Variants in CWH43 observed in about 807,000 individuals in gnomAD.
CWH43 encodes the protein PGAP2-interacting protein.
CWH43 carries 91 observed loss-of-function variants against 85.7 expected under a neutral mutation model. The observed-to-expected ratio is 1.06, with a 90% CI of 0.90 to 1.26. The LOEUF is 1.26. CWH43 is among the 50% of genes most tolerant of loss of function. The pLI, the probability that CWH43 is intolerant of heterozygous loss-of-function variation, is 0.00. For missense variants in CWH43, 869 were observed against 839.2 expected, an observed-to-expected ratio of 1.04 and a Z score of -0.44; for synonymous variants, 323 against 293.6, an observed-to-expected ratio of 1.10 and a Z score of -1.02.
chr4:49,060,424 G>T (rs902955140), intron 15 of CWH43, among the ~76,000 whole-genome samples: 2 of 152,058 alleles, frequency 1.3e-5, no homozygotes, highest in Admixed American at 1.3e-4. Flanking sequence ...GCCGGCTTAG[G>T]GACTGGGGTT....
intron 8 of CWH43, among the ~76,000 whole-genome samples, chr4:49,015,492 T>C (rs1354550137): frequency 1.3e-5 from 2 of 152,196 alleles, no homozygotes; most frequent in Non-Finnish European, 2.9e-5. Context: ...GTTTTGGTGT[T>C]CCGTAGTTTC....
At chr4:49,008,923 T>C (rs910093019) in intron 8 of CWH43, among the ~76,000 whole-genome samples, 3 of 152,216 alleles carry the variant, frequency 2.0e-5, no homozygotes, top group Non-Finnish European at 4.4e-5. Context: ...CCTCCAGCTT[T>C]GTTCTTTTTG....
chr4:48,988,776 G>C lies in CWH43; in HGVS notation c.235+108G>C, dbSNP rs7668171. The stretch of plus-strand genomic sequence containing the variant: ...AAATATTTGAATTTAAAAAATCAAA[G>C]ATTTCTCTTTTCCTTACCACTGCCT... On this transcript the variant is annotated intron_variant, in intron 2 of 15. Coordinates refer to ENST00000226432, the MANE Select transcript of CWH43 (RefSeq NM_025087.3). The C allele has an allele frequency of 6.1e-4, 437 of 711,138 alleles. 1 individual carries two copies. Among genetic ancestry groups the C allele is most frequent in the Non-Finnish European group, 7.6e-4 (357 of 467,068 alleles). 44.1% of individuals were successfully genotyped at this position (711,138 alleles called of 1,614,324 possible).
chr4:49,053,806 G>C (rs1784871556), intron 15 of CWH43, among the ~76,000 whole-genome samples: 1 of 152,134 alleles, frequency 6.6e-6, no homozygotes, highest in African/African-American at 2.4e-5. Flanking sequence ...GGGCATTTCA[G>C]ATTTTGTACT....
At chr4:48,990,832 G>T (rs1290581243) in intron 2 of CWH43, among the ~76,000 whole-genome samples, 1 of 152,112 alleles carries the variant, frequency 6.6e-6, no homozygotes, top group Non-Finnish European at 1.5e-5. Context: ...GTACACAAAT[G>T]TTCATAGCAG....
chr4:49,001,812 G>C (rs560636984), intron 6 of CWH43, among the ~76,000 whole-genome samples: 1 of 152,142 alleles, frequency 6.6e-6, no homozygotes, highest in Non-Finnish European at 1.5e-5. Flanking sequence ...TTATTCTAAC[G>C]TCTTTAGATT....
At chr4:49,055,722 T>G (rs1392382828) in intron 15 of CWH43, among the ~76,000 whole-genome samples, 1 of 152,004 alleles carries the variant, frequency 6.6e-6, no homozygotes, top group Non-Finnish European at 1.5e-5. Context: ...CCTGAGTAGC[T>G]GCGATTATAG....
At chr4:49,019,256 A>C (rs1409076454) in intron 9 of CWH43, among the ~76,000 whole-genome samples, 1 of 152,190 alleles carries the variant, frequency 6.6e-6, no homozygotes, top group Non-Finnish European at 1.5e-5. Flanking sequence ...TGTAGAATGG[A>C]GGGTAACTGG....
At chr4:49,046,802 T>G (rs1784639787) in intron 14 of CWH43, among the ~76,000 whole-genome samples, 1 of 152,132 alleles carries the variant, frequency 6.6e-6, no homozygotes, top group African/African-American at 2.4e-5. Flanking sequence ...GTAGATGATG[T>G]ACACAGTGAG....
At chr4:49,014,236 T>C (rs755776846) in intron 8 of CWH43, among the ~76,000 whole-genome samples, 7 of 152,218 alleles carry the variant, frequency 4.6e-5, no homozygotes, top group Non-Finnish European at 1.0e-4. Context: ...GAGGATTGCT[T>C]GGGGCCAGGA....
At chr4:49,005,369 C>G (rs1783122402) in intron 7 of CWH43, among the ~76,000 whole-genome samples, 1 of 152,080 alleles carries the variant, frequency 6.6e-6, no homozygotes, top group African/African-American at 2.4e-5. Flanking sequence ...CCCTCTCACT[C>G]TTCTGGTCTA....
intron 13 of CWH43, among the ~76,000 whole-genome samples, chr4:49,041,709 G>C (rs1249638244): frequency 1.3e-5 from 2 of 152,158 alleles, no homozygotes; most frequent in Non-Finnish European, 2.9e-5. Flanking sequence ...TTTGGAATCT[G>C]TGTTCTACCT....
intron 4 of CWH43, among the ~76,000 whole-genome samples, chr4:48,994,185 C>T (rs1425989967): frequency 6.6e-6 from 1 of 152,182 alleles, no homozygotes; most frequent in Non-Finnish European, 1.5e-5. Flanking sequence ...ACAGTGGCTG[C>T]CCAGTCAATG....
At chr4:49,025,242 T>C (rs1228343442) in intron 9 of CWH43, among the ~76,000 whole-genome samples, 1 of 152,100 alleles carries the variant, frequency 6.6e-6, no homozygotes. Context: ...TGGAGATTTT[T>C]CCATTCATAT....
chr4:49,036,105 C>A (rs1328602418), intron 12 of CWH43, among the ~76,000 whole-genome samples: 1 of 152,178 alleles, frequency 6.6e-6, no homozygotes, highest in Non-Finnish European at 1.5e-5. Context: ...GACCCAGAAC[C>A]AGGACAAGGG....
At chr4:49,039,898 C>A (rs1784402715) in intron 13 of CWH43, among the ~76,000 whole-genome samples, 1 of 151,834 alleles carries the variant, frequency 6.6e-6, no homozygotes, top group Non-Finnish European at 1.5e-5. Flanking sequence ...CTCCCCCGTC[C>A]CCACACCCCA....
chr4:48,986,828 C>T (rs1468548208), intron 1 of CWH43: 8 of 1,114,910 alleles, frequency 7.2e-6, no homozygotes, highest in African/African-American at 1.6e-5. Context: ...TTAAGTTTAA[C>T]TTAATACAGT....
At position 48,986,586 on chromosome 4, in the gene CWH43, G is replaced by T. The variant is rs1782502780; in HGVS notation, c.43+114G>T. On this transcript the variant is annotated intron_variant, in intron 1 of 15. Coordinates refer to ENST00000226432, the MANE Select transcript of CWH43 (RefSeq NM_025087.3). Reference sequence around the variant, plus strand: ...TCAGGTAGGAGGAAAAGGGCGCTCCGTGCCCAGAGTGGAGATGCTTATCGT... The same window carrying T: ...TCAGGTAGGAGGAAAAGGGCGCTCCTTGCCCAGAGTGGAGATGCTTATCGT... 4 of 1,518,022 alleles carry T rather than the reference G, an allele frequency of 2.6e-6. No homozygotes were observed. In the South Asian group the frequency reaches 5.0e-5, roughly 19 times the overall value. 94.0% of individuals were successfully genotyped at this position (1,518,022 alleles called of 1,614,324 possible).
chr4:49,059,134 C>T (rs1465448933), intron 15 of CWH43, among the ~76,000 whole-genome samples: 2 of 152,124 alleles, frequency 1.3e-5, no homozygotes, highest in Non-Finnish European at 2.9e-5. Flanking sequence ...TTTCTGTAGG[C>T]TATCTCCACT....
Sources: allele counts gnomAD v4.1 joint callset (sites outside exome capture counted in the v4.1 genomes callset), GRCh38; gene constraint gnomAD v4.1.1; transcripts MANE v1.5; gene names NCBI Gene and HGNC (gene_info 2026-07-23, HGNC 2026-07-21).